Variants in ARHGEF7 observed in about 807,000 individuals in gnomAD.
The protein encoded by ARHGEF7 is PAK-interacting exchange factor beta.
Under a neutral mutation model 109.8 loss-of-function variants are expected in ARHGEF7, and 33 were observed. That is an observed-to-expected ratio of 0.30 (90% confidence interval 0.23 to 0.40). The LOEUF is 0.40. Among genes scored for constraint, ARHGEF7 ranks in the 10% least tolerant of loss-of-function variants. ARHGEF7 has a pLI of 1.00. For synonymous variants in ARHGEF7, 458 were observed against 424.6 expected (o/e 1.08, Z -0.97); for missense variants, 938 against 1,098.5 (o/e 0.85, Z 2.07).
Position 111,205,329 on chromosome 13 carries a change from A to T in ARHGEF7, c.293A>T (p.Asn98Ile), listed in dbSNP as rs1316876086. The T allele has an allele frequency of 1.9e-6, 3 of 1,601,970 alleles. No individual in the cohort carries two copies. Among genetic ancestry groups the T allele is most frequent in the Non-Finnish European group, 2.5e-6 (3 of 1,177,390 alleles). ...GATTTGTATCAGGGGCAGAATTTTA[A>T]CAAGGTCCTCAGTTCCTTAGTGACT... Reference protein sequence around the residue: ...ANDLYQGQNFNKVLSSLVTLN... With the variant: ...ANDLYQGQNFIKVLSSLVTLN... The change falls in exon 3 of 22, where the codon AAC becomes ATC. Residue 98 changes from asparagine to isoleucine, a missense_variant. Physicochemically the swap from Asn to Ile is moderately radical, Grantham distance 149. Coordinates refer to ENST00000646102, the MANE Select transcript of ARHGEF7 (RefSeq NM_001354046.2).
chr13:111,175,442 A>G (rs1400788443), intron 2 of ARHGEF7, among the ~76,000 whole-genome samples: 1 of 152,220 alleles, frequency 6.6e-6, no homozygotes, highest in Admixed American at 6.5e-5. Flanking sequence ...CCTCTCAGTC[A>G]GGGTGTTGCC....
chr13:111,301,231 G>A (rs2093559064), intron 20 of ARHGEF7, among the ~76,000 whole-genome samples: 3 of 152,188 alleles, frequency 2.0e-5, no homozygotes, highest in Admixed American at 2.0e-4. Flanking sequence ...TTACAGGTGT[G>A]AGCCACTGTG....
At chr13:111,205,705 A>G (rs903376601) in intron 3 of ARHGEF7, among the ~76,000 whole-genome samples, 1 of 151,884 alleles carries the variant, frequency 6.6e-6, no homozygotes, top group African/African-American at 2.4e-5. Context: ...CTCAGTTTTT[A>G]CTGAGTGTAT....
At chr13:111,220,000 T>C (rs1027516931) in intron 5 of ARHGEF7, among the ~76,000 whole-genome samples, 1 of 152,192 alleles carries the variant, frequency 6.6e-6, no homozygotes, top group Non-Finnish European at 1.5e-5. Context: ...TAGACATCAC[T>C]GTTAGGAGAT....
chr13:111,293,559 A>G (rs1458927792), intron 19 of ARHGEF7: 9 of 985,170 alleles, frequency 9.1e-6, no homozygotes, highest in African/African-American at 1.7e-5. Flanking sequence ...ATTCAGTTGT[A>G]GCATCAAATC....
intron 9 of ARHGEF7, among the ~76,000 whole-genome samples, chr13:111,271,011 A>G (rs2092099020): frequency 6.6e-6 from 1 of 152,192 alleles, no homozygotes. Flanking sequence ...CATGCCATCC[A>G]CATAGCAGGG....
At chr13:111,222,121 A>G (rs965704121) in intron 5 of ARHGEF7, among the ~76,000 whole-genome samples, 4 of 152,128 alleles carry the variant, frequency 2.6e-5, no homozygotes, top group African/African-American at 9.7e-5. Context: ...TCCTTTAGCA[A>G]CACCCTCACA....
intron 4 of ARHGEF7, among the ~76,000 whole-genome samples, chr13:111,213,569 G>A (rs887160700): frequency 2.0e-5 from 3 of 152,068 alleles, no homozygotes; most frequent in Non-Finnish European, 4.4e-5. Flanking sequence ...ATCCATTTTT[G>A]TATTTTTTTT....
intron 2 of ARHGEF7, chr13:111,187,006 G>A (rs1363487361): frequency 1.0e-6 from 1 of 985,754 alleles, no homozygotes; most frequent in Admixed American, 6.1e-5. Context: ...TACTGACGGG[G>A]TTGATTAAGG....
At chr13:111,126,689 T>C (rs1358575127) in intron 1 of ARHGEF7, among the ~76,000 whole-genome samples, 1 of 152,172 alleles carries the variant, frequency 6.6e-6, no homozygotes, top group Non-Finnish European at 1.5e-5. Flanking sequence ...CTGACCAAGC[T>C]CATTTCCCTA....
rs773644043 is a variant in ARHGEF7 at position 111,266,672 on chromosome 13, C to G, written c.951-876C>G. On this transcript the variant is annotated intron_variant, in intron 8 of 21. Coordinates refer to ENST00000646102, the MANE Select transcript of ARHGEF7 (RefSeq NM_001354046.2). The surrounding 1 kb of genome is among the most constrained non-coding windows in gnomAD (Gnocchi z 4.8). ...TTGACTCTTGTTTTCTGTAGGAATC[C>G]CTGGTGTTCATGTTTTTGGTCACTT... 1.3e-5 allele frequency among the ~76,000 whole-genome samples: 2 copies of G among 152,050 alleles called. No homozygotes were observed. Among genetic ancestry groups the G allele is most frequent in the African/African-American group, 4.8e-5 (2 of 41,384 alleles).
At chr13:111,117,723 CTTTCTCCT>C (rs1302541324) in intron 1 of ARHGEF7, among the ~76,000 whole-genome samples, 1 of 151,282 alleles carries the variant, frequency 6.6e-6, no homozygotes, top group African/African-American at 2.5e-5. Flanking sequence ...CTCTCTCTTT[CTTTCTCCT>C]TCCTTCCTTC....
chr13:111,118,862 A>G (rs925373779), intron 1 of ARHGEF7, among the ~76,000 whole-genome samples: 6 of 152,214 alleles, frequency 3.9e-5, no homozygotes, highest in African/African-American at 1.2e-4. Context: ...GTCCCAGGAG[A>G]ACAGAACACA....
At position 111,275,671 on chromosome 13, in the gene ARHGEF7, G is replaced by T; in HGVS notation, c.1412G>T (p.Gly471Val). ...TCCCAGGTCCTGATTCAGTGTGCCG[G>T]AAGTGAGGTACTGCTGCCCACATGC... Reference protein sequence around the residue: ...YMSQVLIQCAGSEEKNERYLL... With the variant: ...YMSQVLIQCAVSEEKNERYLL... Residue 471 changes from glycine (G) to valine (V), a missense_variant, in exon 12 of 22, where the codon GGA (glycine) becomes GTA (valine). Gly to Val is a moderately radical substitution (Grantham distance 109, BLOSUM62 -3). Transcript: ENST00000646102. 1 of 1,614,144 alleles carries T rather than the reference G, an allele frequency of 6.2e-7. No homozygotes were observed. Among genetic ancestry groups the T allele is most frequent in the Non-Finnish European group, 8.5e-7 (1 of 1,180,018 alleles).
chr13:111,182,179 GCGT>G (rs2078809359), intron 2 of ARHGEF7: 1 of 152,216 alleles, frequency 6.6e-6, no homozygotes, highest in African/African-American at 2.4e-5. Flanking sequence ...ACGGTGTCGA[GCGT>G]GCTGGTGTGC....
rs978107945 is a variant in ARHGEF7 at position 111,131,774 on chromosome 13, G to A, written c.165+16083G>A. ...CTGCTGGCTTGGGCCTGTGCTGGGT[G>A]GGAAGGAGGGTGCTATTCCTAGCTG... is the stretch of plus-strand genomic sequence containing the variant. On this transcript the variant is annotated intron_variant, in intron 1 of 21. Transcript: ENST00000646102. This position sits in a 1 kb window ranked among gnomAD's most constrained non-coding sequence, Gnocchi z 4.4. 2.6e-5 allele frequency among the ~76,000 whole-genome samples: 4 copies of A among 152,206 alleles called. No homozygotes were observed. Among genetic ancestry groups the A allele is most frequent in the African/African-American group, 9.7e-5 (4 of 41,448 alleles).
At chr13:111,154,238 C>T (rs1051816286) in intron 2 of ARHGEF7, among the ~76,000 whole-genome samples, 3 of 152,228 alleles carry the variant, frequency 2.0e-5, no homozygotes, top group Non-Finnish European at 2.9e-5. Context: ...ACATTGCTCT[C>T]GTTCCAGTGA....
At chr13:111,163,865 A>C (rs991355000) in intron 2 of ARHGEF7, among the ~76,000 whole-genome samples, 4 of 152,224 alleles carry the variant, frequency 2.6e-5, no homozygotes, top group Non-Finnish European at 5.9e-5. Context: ...CATTCTATTT[A>C]ACCCAGTGTA....
At chr13:111,283,624 G>A (rs905942171) in intron 16 of ARHGEF7, among the ~76,000 whole-genome samples, 3 of 152,234 alleles carry the variant, frequency 2.0e-5, no homozygotes, top group African/African-American at 4.8e-5. Flanking sequence ...TGCCGGAGGA[G>A]TGTGCCGCCA....
Sources: gnomAD v4.1 joint callset for allele counts (sites outside exome capture counted in the v4.1 genomes callset) on GRCh38, gnomAD v4.1.1 for gene constraint, Gnocchi (gnomAD v3.1) non-coding constraint, MANE v1.5 for transcripts, NCBI Gene and HGNC (gene_info 2026-07-23, HGNC 2026-07-21) for gene names.